The following IMPG2 variants were observed in gnomAD, a reference collection of about 807,000 sequenced individuals.
The protein encoded by IMPG2 is IPM 200.
A neutral mutation model predicts 129.2 loss-of-function variants in IMPG2; 91 were observed. The ratio of observed to expected loss-of-function variants is 0.70; its 90% CI spans 0.59 to 0.84. The LOEUF is 0.84. Among genes scored for constraint, IMPG2 ranks in the 40% least tolerant of loss-of-function variants. The pLI, the probability that IMPG2 is intolerant of heterozygous loss-of-function variation, is 0.00. For synonymous variants in IMPG2, 510 were observed against 517.7 expected (o/e 0.99, Z 0.20); for missense variants, 1,430 against 1,461.7 (o/e 0.98, Z 0.35).
intron 11 of IMPG2, among the ~76,000 whole-genome samples, chr3:101,247,591 C>T (rs1706496363): frequency 9.6e-6 from 1 of 104,520 alleles, no homozygotes; most frequent in Admixed American, 1.1e-4. Flanking sequence ...GAGCAAAACT[C>T]CGTCTCAAAA....
rs1707164810 is a variant in IMPG2 at position 101,304,134 on chromosome 3, T to G, written c.501+12A>C. ...ATAGTCCAGGAATCCCTTCCTTTGT[T>G]GTGACACTTACCTTCATGATTAAGC... is the stretch of plus-strand genomic sequence containing the variant. On this transcript the variant is annotated intron_variant, in intron 3 of 18. Coordinates refer to ENST00000193391, the MANE Select transcript of IMPG2 (RefSeq NM_016247.4). 1 of 1,613,412 alleles carries G rather than the reference T, an allele frequency of 6.2e-7. No homozygotes were observed. The highest frequency in any genetic ancestry group is 1.3e-5 in the African/African-American group (1 of 74,914).
chr3:101,306,966 C>A (rs997475881), intron 2 of IMPG2, among the ~76,000 whole-genome samples: 1 of 152,128 alleles, frequency 6.6e-6, no homozygotes, highest in African/African-American at 2.4e-5. Flanking sequence ...ACATATCTGG[C>A]AGAAAATATT....
chr3:101,289,474 T>C (rs1428781536), intron 4 of IMPG2, among the ~76,000 whole-genome samples: 1 of 152,176 alleles, frequency 6.6e-6, no homozygotes, highest in African/African-American at 2.4e-5. Context: ...TCTAGTATAC[T>C]GTAAGCAATC....
chr3:101,319,523 CAAATGA>C, intron 2 of IMPG2, 55 bp downstream of exon 2: 1 of 1,597,596 alleles, frequency 6.3e-7, no homozygotes. Flanking sequence ...TGTTACCTAA[CAAATGA>C]TTAAACTATG....
At chr3:101,272,645 T>G (rs892284557) in intron 7 of IMPG2, among the ~76,000 whole-genome samples, 8 of 152,186 alleles carry the variant, frequency 5.3e-5, no homozygotes, top group Non-Finnish European at 1.2e-4. Flanking sequence ...TGACATTTCT[T>G]CCACATACCA....
chr3:101,291,855 T>C (rs1179468416), intron 3 of IMPG2, among the ~76,000 whole-genome samples: 2 of 152,214 alleles, frequency 1.3e-5, no homozygotes, highest in African/African-American at 4.8e-5. Context: ...AATCAAATAA[T>C]TTTTTATCTA....
At chr3:101,267,218 T>C (rs1414925282) in intron 9 of IMPG2, among the ~76,000 whole-genome samples, 1 of 152,232 alleles carries the variant, frequency 6.6e-6, no homozygotes, top group Admixed American at 6.5e-5. Context: ...TCAATGTCCA[T>C]AAAGTGAAAC....
chr3:101,318,000 G>A (rs556740199), intron 2 of IMPG2, among the ~76,000 whole-genome samples: 7 of 151,888 alleles, frequency 4.6e-5, no homozygotes, highest in Admixed American at 1.3e-4. Flanking sequence ...GCTGGGCATG[G>A]TGGCATGTGC....
intron 11 of IMPG2, 26 bp from the exon 12 acceptor site, chr3:101,246,131 T>C (rs1321522097): frequency 1.2e-6 from 2 of 1,608,080 alleles, no homozygotes; most frequent in East Asian, 2.2e-5. Flanking sequence ...GGCTAAATCA[T>C]ATCATAGATA....
chr3:101,250,530 T>C (rs867636736), intron 11 of IMPG2, among the ~76,000 whole-genome samples: 1 of 152,072 alleles, frequency 6.6e-6, no homozygotes, highest in African/African-American at 2.4e-5. Flanking sequence ...CTGAGGATCA[T>C]AGAAGTGAAA....
intron 4 of IMPG2, among the ~76,000 whole-genome samples, chr3:101,283,963 G>A (rs1706919466): frequency 6.6e-6 from 1 of 152,166 alleles, no homozygotes; most frequent in African/African-American, 2.4e-5. Flanking sequence ...ATGTTAAGAA[G>A]CTATTATAAG....
intron 10 of IMPG2, among the ~76,000 whole-genome samples, chr3:101,256,140 G>GAA (rs1422111623): frequency 1.6e-4 from 14 of 86,486 alleles, no homozygotes; most frequent in African/African-American, 6.0e-4. Context: ...AAGAAAGAAA[G>GAA]AAAGAAAAGA....
At chr3:101,266,731 G>A (rs1576756973) in intron 9 of IMPG2, among the ~76,000 whole-genome samples, 1 of 152,126 alleles carries the variant, frequency 6.6e-6, no homozygotes, top group Admixed American at 6.6e-5. Flanking sequence ...ACCATGGCTT[G>A]AGATAGCCAC....
At chr3:101,251,977 T>C (rs536245356) in intron 11 of IMPG2, among the ~76,000 whole-genome samples, 13 of 152,192 alleles carry the variant, frequency 8.5e-5, no homozygotes, top group Non-Finnish European at 1.5e-4. Context: ...TTATCTCCCA[T>C]TAACGTTCTG....
intron 6 of IMPG2, among the ~76,000 whole-genome samples, chr3:101,275,063 TAA>T (rs750282505): frequency 8.5e-5 from 12 of 141,838 alleles, no homozygotes; most frequent in African/African-American, 2.3e-4. Flanking sequence ...AGCTCTATAT[TAA>T]AAAAAAAAAA....
At chr3:101,285,708 T>C (rs979451116) in intron 4 of IMPG2, among the ~76,000 whole-genome samples, 2 of 152,186 alleles carry the variant, frequency 1.3e-5, no homozygotes, top group Non-Finnish European at 2.9e-5. Context: ...AGTTAGTGCC[T>C]TTGAATTTCA....
intron 4 of IMPG2, among the ~76,000 whole-genome samples, chr3:101,291,179 C>T (rs1707005472): frequency 6.6e-6 from 1 of 152,188 alleles, no homozygotes; most frequent in South Asian, 2.1e-4. Context: ...CATCATTAGC[C>T]TTTAAACCTC....
rs1706183742 is a variant in IMPG2 at position 101,223,178 on chromosome 3, G to A, written c.*3791C>T. 6.6e-6 allele frequency: 1 copy of A among 152,198 alleles called. No individual in the cohort carries two copies. Among genetic ancestry groups the A allele is most frequent in the Non-Finnish European group, 1.5e-5 (1 of 68,026 alleles). The allele number at this position is 152,198 out of a possible 1,614,324, so 9.4% of individuals were successfully genotyped here. A position where few individuals can be genotyped will look rare whatever the true frequency, so the allele number is the denominator to read the frequency against. ...ATCCTTTGTGGAATACAATGCAATG[G>A]ATTTGAGAATAGTGACCGTCACATC... On this transcript the variant is annotated 3_prime_UTR_variant, in exon 19 of 19. Coordinates refer to ENST00000193391, the MANE Select transcript of IMPG2 (RefSeq NM_016247.4).
At chr3:101,278,327 G>A (rs115304567) in intron 4 of IMPG2, among the ~76,000 whole-genome samples, 1,906 of 152,146 alleles carry the variant, frequency 0.013, 42 homozygotes, top group African/African-American at 0.044. Context: ...CCTCATAGAC[G>A]TGCCCAGGTC....
Sources: allele counts gnomAD v4.1 joint callset (sites outside exome capture counted in the v4.1 genomes callset), GRCh38; gene constraint gnomAD v4.1.1; transcripts MANE v1.5; gene names NCBI Gene and HGNC (gene_info 2026-07-23, HGNC 2026-07-21).